ANO3: variants seen among roughly 807,000 people sequenced by gnomAD.
The protein encoded by ANO3 is anoctamin 3.
ANO3 carries 99 observed loss-of-function variants against 144.8 expected under a neutral mutation model. The ratio of observed to expected loss-of-function variants is 0.68; its 90% confidence interval spans 0.58 to 0.81. The LOEUF is 0.81. ANO3 is among the 30% of genes least tolerant of loss of function. The probability of loss-of-function intolerance (pLI) is 0.00; values close to 1 mark genes in which losing one functional copy is unlikely to be tolerated. For missense variants in ANO3, 905 were observed against 1,202.2 expected, an observed-to-expected ratio of 0.75 and a Z score of 3.66; for synonymous variants, 414 against 392.6, an observed-to-expected ratio of 1.05 and a Z score of -0.64.
At chr11:26,254,819 T>C (rs1226901803) in intron 1 of ANO3, among the ~76,000 whole-genome samples, 1 of 152,180 alleles carries the variant, frequency 6.6e-6, no homozygotes, top group African/African-American at 2.4e-5. Flanking sequence ...TGTTTCTAAA[T>C]ACTTAGAAGA....
intron 11 of ANO3, among the ~76,000 whole-genome samples, chr11:26,542,817 C>G (rs1268900510): frequency 7.7e-6 from 1 of 130,710 alleles, no homozygotes; most frequent in Admixed American, 8.7e-5. Flanking sequence ...TTAACAAGGA[C>G]TTAAGTCTTT....
Position 26,545,438 on chromosome 11 carries a change from A to G in ANO3, c.1155-1978A>G, listed in dbSNP as rs191709930. On this transcript the variant is annotated intron_variant, in intron 11 of 26. Transcript: ENST00000256737. ...TTTAAACATTTTGTAGCTAAGGCCT[A>G]TTTTAGTTGCAATCTGTTTTTCCAT... is the stretch of plus-strand genomic sequence containing the variant. Among the ~76,000 whole-genome samples, 278 of 152,160 alleles carry G rather than the reference A, an allele frequency of 1.8e-3. 1 individual carries two copies. The highest frequency in any genetic ancestry group is 6.4e-3 in the African/African-American group (264 of 41,544).
intron 4 of ANO3, among the ~76,000 whole-genome samples, chr11:26,496,974 G>GTATATACATATA (rs1554962021): frequency 1.5e-5 from 2 of 136,510 alleles, no homozygotes; most frequent in African/African-American, 5.5e-5. Flanking sequence ...AATGTTGTGT[G>GTATATACATATA]TATATATATA....
chr11:26,459,086 G>A (rs1859272674), intron 3 of ANO3, among the ~76,000 whole-genome samples: 1 of 152,068 alleles, frequency 6.6e-6, no homozygotes, highest in Non-Finnish European at 1.5e-5. Flanking sequence ...ACAAGCAAGT[G>A]CAAAAACCCC....
At chr11:26,410,981 G>C (rs1857414969) in intron 1 of ANO3, among the ~76,000 whole-genome samples, 3 of 151,980 alleles carry the variant, frequency 2.0e-5, no homozygotes, top group Admixed American at 2.0e-4. Flanking sequence ...TCTTCAACAG[G>C]GGGCTTATCT....
chr11:26,370,424 C>A (rs917124548), intron 1 of ANO3, among the ~76,000 whole-genome samples: 4 of 152,074 alleles, frequency 2.6e-5, no homozygotes, highest in African/African-American at 9.7e-5. Context: ...TATGTCTTCA[C>A]CAGCAACATG....
Position 26,385,903 on chromosome 11 carries a change from T to TATATATATATATATATATATATATA in ANO3, c.46+53582_46+53583insATATATATATATATATATATATATA, listed in dbSNP as rs58078292. ...AAGTTCTTTGTGTGTGTATATATAT[T>TATATATATATATATATATATATATA]TATATACATATTTACATGTATAAGC... On this transcript the variant is annotated intron_variant, in intron 1 of 26. Coordinates refer to ENST00000256737, the MANE Select transcript of ANO3 (RefSeq NM_031418.4). Among the ~76,000 whole-genome samples the TATATATATATATATATATATATATA allele has an allele frequency of 6.0e-5, 9 of 148,870 alleles. 1 individual carries two copies. In the South Asian group the frequency reaches 8.4e-4, roughly 14 times the overall value.
intron 9 of ANO3, among the ~76,000 whole-genome samples, chr11:26,536,605 A>G (rs1372354579): frequency 1.3e-5 from 2 of 151,992 alleles, no homozygotes; most frequent in Non-Finnish European, 1.5e-5. Flanking sequence ...TAGCGTTTAT[A>G]ATTTTCAGGT....
intron 1 of ANO3, among the ~76,000 whole-genome samples, chr11:26,319,038 A>G (rs1652514488): frequency 6.6e-6 from 1 of 151,976 alleles, no homozygotes; most frequent in South Asian, 2.1e-4. Flanking sequence ...GTGGAATGTC[A>G]GGGCCACGGC....
At chr11:26,418,375 A>T (rs117852675) in intron 1 of ANO3, among the ~76,000 whole-genome samples, 1 of 151,996 alleles carries the variant, frequency 6.6e-6, no homozygotes, top group Admixed American at 6.6e-5. Context: ...TTAAAATGCC[A>T]TCATAAACCC....
chr11:26,548,014 C>A (rs1351708112), intron 12 of ANO3, among the ~76,000 whole-genome samples: 1 of 151,904 alleles, frequency 6.6e-6, no homozygotes, highest in Non-Finnish European at 1.5e-5. Flanking sequence ...CATGAGGGAA[C>A]CTAATATACT....
intron 13 of ANO3, among the ~76,000 whole-genome samples, chr11:26,556,921 G>GT (rs1850098189): frequency 6.6e-6 from 1 of 152,080 alleles, no homozygotes; most frequent in Admixed American, 6.6e-5. Flanking sequence ...AGAGCCTTAT[G>GT]TTTTTCTGAA....
chr11:26,269,388 G>A (rs1387022881), intron 1 of ANO3, among the ~76,000 whole-genome samples: 2 of 152,104 alleles, frequency 1.3e-5, no homozygotes, highest in Non-Finnish European at 1.5e-5. Context: ...GTTTTCTGCC[G>A]CTAGCTTCTC....
intron 1 of ANO3, among the ~76,000 whole-genome samples, chr11:26,239,482 C>G (rs1173463416): frequency 6.6e-6 from 1 of 152,176 alleles, no homozygotes; most frequent in Non-Finnish European, 1.5e-5. Flanking sequence ...CAGGAAGTCT[C>G]TTTCCCTAGA....
At chr11:26,604,719 A>G (rs552586955) in intron 17 of ANO3, among the ~76,000 whole-genome samples, 47 of 151,674 alleles carry the variant, frequency 3.1e-4, no homozygotes, top group Admixed American at 1.4e-3. Context: ...CTGCTTGTCT[A>G]TTGATGGTAT....
chr11:26,476,172 T>C lies in ANO3; in HGVS notation c.432+13024T>C, dbSNP rs76729882. On this transcript the variant is annotated intron_variant, in intron 4 of 26. Coordinates refer to ENST00000256737, the MANE Select transcript of ANO3 (RefSeq NM_031418.4). ...GACTCTATACTAATCTGGGTATGCA[T>C]TGATGAATAAAATAGGCAAAATCCC... is the stretch of plus-strand genomic sequence containing the variant. 9.1e-4 allele frequency among the ~76,000 whole-genome samples: 139 copies of C among 152,242 alleles called. 4 individuals carry two copies. In the East Asian group the frequency reaches 0.024, roughly 27 times the overall value.
At chr11:26,334,124 G>T (rs1175724186) in intron 1 of ANO3, among the ~76,000 whole-genome samples, 1 of 152,176 alleles carries the variant, frequency 6.6e-6, no homozygotes, top group Non-Finnish European at 1.5e-5. Context: ...TTGTGCAATT[G>T]CTGGCATTTC....
chr11:26,407,808 A>G (rs989478318), intron 1 of ANO3, among the ~76,000 whole-genome samples: 22 of 151,656 alleles, frequency 1.5e-4, no homozygotes, highest in Non-Finnish European at 2.7e-4. Flanking sequence ...CCATAGCCCC[A>G]TCTTTGTCCC....
chr11:26,399,619 C>G (rs1208164108), intron 1 of ANO3, among the ~76,000 whole-genome samples: 1 of 151,852 alleles, frequency 6.6e-6, no homozygotes, highest in African/African-American at 2.4e-5. Context: ...AGCAGTTTTA[C>G]TTTGGGTAAA....
Sources: allele counts gnomAD v4.1 joint callset (sites outside exome capture counted in the v4.1 genomes callset), GRCh38; gene constraint gnomAD v4.1.1; transcripts MANE v1.5; gene names NCBI Gene and HGNC (gene_info 2026-07-23, HGNC 2026-07-21).